The following ELMO1 variants were observed in gnomAD, a reference collection of about 807,000 sequenced individuals.
ELMO1 encodes engulfment and cell motility protein 1.
Under a neutral mutation model 98.9 loss-of-function variants are expected in ELMO1, and 26 were observed. The observed-to-expected ratio is 0.26, with a 90% CI of 0.19 to 0.36. ELMO1 has a LOEUF of 0.36. ELMO1 is among the 10% of genes least tolerant of loss of function. The pLI is 1.00. For synonymous variants in ELMO1, 346 were observed against 346.0 expected (o/e 1.00, Z 0.00); for missense variants, 627 against 935.2 (o/e 0.67, Z 4.30).
intron 15 of ELMO1, among the ~76,000 whole-genome samples, chr7:37,029,405 C>CT (rs928303463): frequency 8.5e-5 from 12 of 140,928 alleles, no homozygotes; most frequent in African/African-American, 3.5e-4. Context: ...ACACTGATTT[C>CT]TTTAAAAAAA....
intron 1 of ELMO1, among the ~76,000 whole-genome samples, chr7:37,365,035 TTTC>T: frequency 6.6e-6 from 1 of 152,130 alleles, no homozygotes; most frequent in Non-Finnish European, 1.5e-5. Flanking sequence ...CCCCCACACG[TTTC>T]CATCTGAGCC....
chr7:37,284,768 G>A (rs1027170437), intron 4 of ELMO1, among the ~76,000 whole-genome samples: 5 of 110,486 alleles, frequency 4.5e-5, no homozygotes, highest in Non-Finnish European at 7.6e-5. Flanking sequence ...ACTGCAAAAC[G>A]GTTTAAAGAA....
At chr7:37,330,262 T>C (rs1006505953) in intron 2 of ELMO1, among the ~76,000 whole-genome samples, 2 of 152,246 alleles carry the variant, frequency 1.3e-5, no homozygotes, top group Non-Finnish European at 2.9e-5. Flanking sequence ...TCTTAATTTA[T>C]CCTTTTCAAC....
intron 13 of ELMO1, among the ~76,000 whole-genome samples, chr7:37,147,996 G>A (rs1446682363): frequency 6.6e-6 from 1 of 152,142 alleles, no homozygotes; most frequent in Non-Finnish European, 1.5e-5. Context: ...TGCCACTACA[G>A]AAACAGGAAT....
intron 1 of ELMO1, chr7:37,375,769 C>T (rs932232022): frequency 3.8e-6 from 4 of 1,043,654 alleles, no homozygotes; most frequent in Middle Eastern, 2.9e-4. Flanking sequence ...CAGTGATTAC[C>T]TTCATCTGAC....
intron 14 of ELMO1, among the ~76,000 whole-genome samples, chr7:37,132,690 G>A (rs576196748): frequency 6.6e-6 from 1 of 152,248 alleles, no homozygotes; most frequent in African/African-American, 2.4e-5. Context: ...CGAGTCTGAC[G>A]TGAAATGTAA....
chr7:36,877,894 A>C (rs1426404191), intron 19 of ELMO1, 116 bp downstream of exon 19: 3 of 755,978 alleles, frequency 4.0e-6, no homozygotes, highest in Non-Finnish European at 6.6e-6. Context: ...ACTTACAACT[A>C]GATGAGATGT....
chr7:36,876,448 T>C (rs966007573), intron 19 of ELMO1, among the ~76,000 whole-genome samples: 1 of 152,138 alleles, frequency 6.6e-6, no homozygotes, highest in African/African-American at 2.4e-5. Context: ...ATTAATTTAC[T>C]TAAACTTTTT....
At chr7:36,916,236 G>A (rs1882080) in intron 16 of ELMO1, among the ~76,000 whole-genome samples, 69,434 of 151,912 alleles carry the variant, frequency 0.46, 17,302 homozygotes, top group Non-Finnish European at 0.56. Context: ...TTCCTCTCTC[G>A]TCATTTCCAG....
At chr7:37,067,825 T>C (rs1452436590) in intron 15 of ELMO1, among the ~76,000 whole-genome samples, 1 of 152,096 alleles carries the variant, frequency 6.6e-6, no homozygotes, top group Admixed American at 6.6e-5. Context: ...ATGTGGCTAA[T>C]AAATGTGTTC....
chr7:37,047,792 G>A (rs1168487426), intron 15 of ELMO1, among the ~76,000 whole-genome samples: 1 of 151,894 alleles, frequency 6.6e-6, no homozygotes, highest in Admixed American at 6.6e-5. Flanking sequence ...GCATTCAGTT[G>A]AGCCTATCAG....
intron 15 of ELMO1, among the ~76,000 whole-genome samples, chr7:37,016,248 C>T (rs1429940097): frequency 6.6e-6 from 1 of 152,070 alleles, no homozygotes; most frequent in Non-Finnish European, 1.5e-5. Flanking sequence ...AGGGAAGTGA[C>T]ATCATTAATA....
intron 13 of ELMO1, 25 bp downstream of exon 13, chr7:37,211,361 C>A (rs773809001): frequency 6.2e-7 from 1 of 1,613,512 alleles, no homozygotes; most frequent in Non-Finnish European, 8.5e-7. Context: ...GGAGGGAGAG[C>A]GCATACTGGA....
chr7:37,420,415 A>G (rs892256994), intron 1 of ELMO1, among the ~76,000 whole-genome samples: 26 of 152,226 alleles, frequency 1.7e-4, no homozygotes, highest in African/African-American at 6.3e-4. Flanking sequence ...TAAATAAACC[A>G]TTCACTTTTG....
At chr7:37,422,781 A>G (rs923369497) in intron 1 of ELMO1, among the ~76,000 whole-genome samples, 2 of 152,236 alleles carry the variant, frequency 1.3e-5, no homozygotes, top group Non-Finnish European at 2.9e-5. Flanking sequence ...ATGATGCCAC[A>G]CTAAAAGAAG....
chr7:37,168,090 C>G (rs1390038013), intron 13 of ELMO1, among the ~76,000 whole-genome samples: 7 of 151,852 alleles, frequency 4.6e-5, no homozygotes, highest in East Asian at 3.9e-4. Flanking sequence ...TCATTCATTT[C>G]ATCTTCCATC....
chr7:37,243,573 C>G (rs1346797362), intron 7 of ELMO1, among the ~76,000 whole-genome samples: 2 of 152,148 alleles, frequency 1.3e-5, no homozygotes, highest in African/African-American at 4.8e-5. Context: ...GCAACTCATA[C>G]TTTTCTGTGT....
intron 8 of ELMO1, among the ~76,000 whole-genome samples, chr7:37,232,214 T>C (rs1229648952): frequency 6.6e-6 from 1 of 152,244 alleles, no homozygotes; most frequent in Admixed American, 6.5e-5. Flanking sequence ...TCTGATTTTC[T>C]GGCTTGCACA....
chr7:36,990,480 A>G (rs1386126346), intron 16 of ELMO1, among the ~76,000 whole-genome samples: 1 of 152,156 alleles, frequency 6.6e-6, no homozygotes, highest in Admixed American at 6.6e-5. Context: ...GGAGAAGGGA[A>G]TCACAGTATC....
Sources: gnomAD v4.1 joint callset for allele counts (sites outside exome capture counted in the v4.1 genomes callset) on GRCh38, gnomAD v4.1.1 for gene constraint, MANE v1.5 for transcripts, NCBI Gene and HGNC (gene_info 2026-07-23, HGNC 2026-07-21) for gene names.